ABHD17B: variants seen among roughly 807,000 people sequenced by gnomAD.
The protein encoded by ABHD17B is abhydrolase domain containing 17B, depalmitoylase, also known as alpha/beta hydrolase domain-containing protein 17B.
A neutral mutation model predicts 26.2 loss-of-function variants in ABHD17B; 9 were observed. The ratio of observed to expected loss-of-function variants is 0.34; its 90% CI spans 0.21 to 0.60. The LOEUF (loss-of-function observed/expected upper bound fraction) is 0.60. Ranked by LOEUF, ABHD17B falls within the 20% of genes least tolerant of loss-of-function variation. The pLI, the probability that ABHD17B is intolerant of heterozygous loss-of-function variation, is 0.80. For synonymous variants in ABHD17B, 127 were observed against 122.3 expected, an observed-to-expected ratio of 1.04 and a Z score of -0.25; for missense variants, 224 against 352.1, an observed-to-expected ratio of 0.64 and a Z score of 2.91.
At chr9:71,891,332 A>T (rs1054943944) in intron 1 of ABHD17B, among the ~76,000 whole-genome samples, 17 of 152,162 alleles carry the variant, frequency 1.1e-4, no homozygotes, top group African/African-American at 2.7e-4. Flanking sequence ...TTTGTTTTAT[A>T]CTTAATGGGT....
At chr9:71,879,751 A>G (rs1007201910) in intron 1 of ABHD17B, among the ~76,000 whole-genome samples, 2 of 152,234 alleles carry the variant, frequency 1.3e-5, no homozygotes, top group Non-Finnish European at 2.9e-5. Flanking sequence ...GTCAGGCACT[A>G]TTCTAAACAC....
At chr9:71,901,225 T>C (rs1827130294) in intron 1 of ABHD17B, among the ~76,000 whole-genome samples, 1 of 151,954 alleles carries the variant, frequency 6.6e-6, no homozygotes, top group Non-Finnish European at 1.5e-5. Context: ...TGTACCTGAG[T>C]TGTTTTTTTT....
intron 1 of ABHD17B, among the ~76,000 whole-genome samples, chr9:71,890,500 TAA>T (rs1826750598): frequency 6.6e-6 from 1 of 152,224 alleles, no homozygotes; most frequent in South Asian, 2.1e-4. Context: ...AGTTTCACAT[TAA>T]GTTTTATATC....
rs1827456800 is a variant in ABHD17B at position 71,911,057 on chromosome 9, C to T, written c.-427G>A. On this transcript the variant is annotated 5_prime_UTR_variant, in exon 1 of 4. Coordinates refer to ENST00000333421, the MANE Select transcript of ABHD17B (RefSeq NM_001025780.3). ...CGCCACCCAGACCTAGCCAGGTCTT[C>T]CTTCTCTTTAATCCTGCTTTCTTTG... 2 of 153,362 alleles carry T rather than the reference C, an allele frequency of 1.3e-5. No individual in the cohort carries two copies. Among genetic ancestry groups the T allele is most frequent in the South Asian group, 3.7e-4 (2 of 5,464 alleles). The allele number at this position is 153,362 out of a possible 1,614,324, so 9.5% of individuals were successfully genotyped here.
chr9:71,864,124 C>T (rs565058328), downstream of ABHD17B, among the ~76,000 whole-genome samples: 2 of 151,316 alleles, frequency 1.3e-5, no homozygotes, highest in Non-Finnish European at 2.9e-5. Context: ...CTATCAATGG[C>T]CTATTTGTTT....
In ABHD17B at chr9:71,910,775, G is replaced by A. The variant is rs942793781; in HGVS notation, c.-145C>T. On this transcript the variant is annotated 5_prime_UTR_variant, in exon 1 of 4. Coordinates refer to ENST00000333421, the MANE Select transcript of ABHD17B (RefSeq NM_001025780.3). Reference sequence around the variant, plus strand: ...CCGCCTGCAGACTGGCCCGACAGAGGAGCGGGGACCAGGGCTACAGCCCCC... The same window carrying A: ...CCGCCTGCAGACTGGCCCGACAGAGAAGCGGGGACCAGGGCTACAGCCCCC... 2.0e-5 allele frequency: 3 copies of A among 152,032 alleles called. No individual in the cohort carries two copies. Among genetic ancestry groups the A allele is most frequent in the Non-Finnish European group, 4.4e-5 (3 of 67,988 alleles). 9.4% of individuals were successfully genotyped at this position (152,032 alleles called of 1,614,324 possible).
At chr9:71,907,815 G>C (rs933860087) in intron 1 of ABHD17B, among the ~76,000 whole-genome samples, 1 of 152,046 alleles carries the variant, frequency 6.6e-6, no homozygotes, top group Non-Finnish European at 1.5e-5. Context: ...GAGCCTGGCC[G>C]GACACTTCGT....
In ABHD17B at chr9:71,882,436, A is replaced by G. The variant is rs142299229; in HGVS notation, c.-3-7353T>C. 1.4e-3 allele frequency among the ~76,000 whole-genome samples: 215 copies of G among 152,340 alleles called. 1 individual carries two copies. Among genetic ancestry groups the G allele is most frequent in the African/African-American group, 5.0e-3 (210 of 41,596 alleles). ...TACTTTGGGAGGCCAAGGCGGGAGA[A>G]TCCCCTGAGTTCAGGAGTTCAAGAC... On this transcript the variant is annotated intron_variant, in intron 1 of 3. Transcript: ENST00000333421.
At chr9:71,894,281 G>C (rs1334999650) in intron 1 of ABHD17B, among the ~76,000 whole-genome samples, 2 of 152,068 alleles carry the variant, frequency 1.3e-5, no homozygotes, top group African/African-American at 2.4e-5. Flanking sequence ...TAACAAAATA[G>C]ATACTATAAC....
At chr9:71,881,842 C>T (rs1826450699) in intron 1 of ABHD17B, among the ~76,000 whole-genome samples, 1 of 150,832 alleles carries the variant, frequency 6.6e-6, no homozygotes, top group South Asian at 2.1e-4. Flanking sequence ...GCTGAGATCA[C>T]GCCACTGTAC....
chr9:71,898,369 C>T (rs768642233), intron 1 of ABHD17B, among the ~76,000 whole-genome samples: 22 of 151,748 alleles, frequency 1.4e-4, no homozygotes, highest in Admixed American at 8.5e-4. Flanking sequence ...TGGTGGCTCA[C>T]GCCTGTAATC....
chr9:71,903,226 T>C (rs977396099), intron 1 of ABHD17B, among the ~76,000 whole-genome samples: 5 of 152,110 alleles, frequency 3.3e-5, no homozygotes, highest in African/African-American at 9.7e-5. Context: ...TACCTATTTA[T>C]GGGGTACATG....
chr9:71,890,899 G>T (rs1414376652), intron 1 of ABHD17B, among the ~76,000 whole-genome samples: 2 of 152,086 alleles, frequency 1.3e-5, no homozygotes, highest in Non-Finnish European at 2.9e-5. Context: ...TATGTTCTGG[G>T]TTAGTTCACA....
downstream of ABHD17B, among the ~76,000 whole-genome samples, chr9:71,864,967 T>C (rs1342652241): frequency 3.9e-5 from 6 of 152,218 alleles, no homozygotes; most frequent in Non-Finnish European, 7.3e-5. Flanking sequence ...CCCTGGGTTG[T>C]ATGCTGTACA....
In ABHD17B at chr9:71,883,793, T is replaced by C. The variant is rs1357047861; in HGVS notation, c.-3-8710A>G. On this transcript the variant is annotated intron_variant, in intron 1 of 3. Transcript: ENST00000333421. ...CTCTACTAAAAATACAGAAATTAGTTGGGCATGGTGGCGCGTGCCTGTAAT... is the reference window on the plus strand; with the variant it reads ...CTCTACTAAAAATACAGAAATTAGTCGGGCATGGTGGCGCGTGCCTGTAAT... Among the ~76,000 whole-genome samples the C allele has an allele frequency of 2.0e-5, 3 of 152,004 alleles. No homozygotes were observed. The East Asian group carries it at 5.8e-4, about 30-fold the overall frequency.
chr9:71,899,073 G>A (rs1564072874), intron 1 of ABHD17B, among the ~76,000 whole-genome samples: 1 of 151,356 alleles, frequency 6.6e-6, no homozygotes, highest in East Asian at 1.9e-4. Context: ...ACAGTGAGCC[G>A]AGATTGTGCC....
intron 1 of ABHD17B, among the ~76,000 whole-genome samples, chr9:71,881,401 G>A (rs949669510): frequency 3.9e-5 from 6 of 151,926 alleles, no homozygotes; most frequent in Non-Finnish European, 8.8e-5. Flanking sequence ...GAAAATATAG[G>A]CATAAATCTT....
intron 1 of ABHD17B, among the ~76,000 whole-genome samples, chr9:71,905,668 T>C (rs937748475): frequency 6.6e-6 from 1 of 152,290 alleles, no homozygotes; most frequent in South Asian, 2.1e-4. Flanking sequence ...TTGGCTACTA[T>C]AATGAATGAG....
At position 71,867,973 on chromosome 9, in the gene ABHD17B, G is replaced by A. The variant is rs537390395; in HGVS notation, c.648-967C>T. On this transcript the variant is annotated intron_variant, in intron 3 of 3. Transcript: ENST00000333421. ...TGTAATCTCGGCACTTTGGGAGGCCGTAGTGGGTGGATCACCTGAGGTCAG... is the reference window on the plus strand; with the variant it reads ...TGTAATCTCGGCACTTTGGGAGGCCATAGTGGGTGGATCACCTGAGGTCAG... Among the ~76,000 whole-genome samples the A allele has an allele frequency of 2.8e-4, 42 of 151,072 alleles. 1 individual carries two copies. Among genetic ancestry groups the A allele is most frequent in the East Asian group, 1.2e-3 (6 of 5,122 alleles).
Sources: allele counts gnomAD v4.1 joint callset (sites outside exome capture counted in the v4.1 genomes callset), GRCh38; gene constraint gnomAD v4.1.1; transcripts MANE v1.5; gene names NCBI Gene and HGNC (gene_info 2026-07-23, HGNC 2026-07-21).